Variants in SHANK2 observed in about 807,000 individuals in gnomAD.
SHANK2 encodes SH3 and multiple ankyrin repeat domains 2.
SHANK2 carries 43 observed loss-of-function variants against 133.7 expected under a neutral mutation model. The ratio of observed to expected loss-of-function variants is 0.32; its 90% CI spans 0.25 to 0.41. The LOEUF is 0.41. Ranked by LOEUF, SHANK2 falls within the 10% of genes least tolerant of loss-of-function variation. The pLI, the probability that SHANK2 is intolerant of heterozygous loss-of-function variation, is 1.00. For synonymous variants in SHANK2, 1,017 were observed against 952.8 expected (o/e 1.07, Z -1.24); for missense variants, 1,994 against 2,235.8 (o/e 0.89, Z 2.18).
chr11:70,686,800 T>G (rs1168437179), intron 15 of SHANK2, among the ~76,000 whole-genome samples: 2 of 152,210 alleles, frequency 1.3e-5, no homozygotes, highest in East Asian at 3.9e-4. Flanking sequence ...GCACCAGGCT[T>G]TGGGCAGAGG....
chr11:71,180,784 G>C (rs1953539000), intron 2 of SHANK2, among the ~76,000 whole-genome samples: 1 of 151,990 alleles, frequency 6.6e-6, no homozygotes, highest in Non-Finnish European at 1.5e-5. Context: ...AACCCAAGAA[G>C]GACGGAATTT....
chr11:70,728,344 C>T (rs1038501011), intron 14 of SHANK2, among the ~76,000 whole-genome samples: 6 of 152,208 alleles, frequency 3.9e-5, no homozygotes, highest in Non-Finnish European at 8.8e-5. Context: ...AGCCAGAGGC[C>T]GGATCCGAGG....
chr11:70,855,830 G>C (rs954131796), intron 11 of SHANK2, among the ~76,000 whole-genome samples: 2 of 152,134 alleles, frequency 1.3e-5, no homozygotes, highest in Admixed American at 1.3e-4. Context: ...TGGATGGGTG[G>C]GTGGATAAAT....
At chr11:70,905,773 C>T (rs1950093203) in intron 10 of SHANK2, among the ~76,000 whole-genome samples, 1 of 151,430 alleles carries the variant, frequency 6.6e-6, no homozygotes, top group Admixed American at 6.6e-5. Flanking sequence ...AGATCCATGC[C>T]TATTGTTTAT....
At chr11:71,203,729 T>A (rs1476725054) in intron 2 of SHANK2, among the ~76,000 whole-genome samples, 4 of 152,234 alleles carry the variant, frequency 2.6e-5, no homozygotes, top group African/African-American at 9.6e-5. Flanking sequence ...TCAGATGGCC[T>A]GTGCTAACAA....
intron 14 of SHANK2, among the ~76,000 whole-genome samples, chr11:70,699,671 A>G (rs1249190366): frequency 1.3e-5 from 2 of 152,260 alleles, no homozygotes; most frequent in African/African-American, 2.4e-5. Flanking sequence ...TTTGCAGTTC[A>G]AAAGTAAATA....
intron 17 of SHANK2, among the ~76,000 whole-genome samples, chr11:70,528,801 C>T (rs912691849): frequency 2.0e-5 from 3 of 152,060 alleles, no homozygotes; most frequent in Admixed American, 6.5e-5. Flanking sequence ...GAAGGGGGGT[C>T]CGTGGCAGCC....
intron 17 of SHANK2, among the ~76,000 whole-genome samples, chr11:70,503,804 C>T (rs970769094): frequency 5.3e-5 from 8 of 152,238 alleles, no homozygotes; most frequent in Non-Finnish European, 8.8e-5. Context: ...CTCTGCCTCC[C>T]AGCCCCACGC....
intron 11 of SHANK2, among the ~76,000 whole-genome samples, chr11:70,884,304 T>C (rs1390876953): frequency 6.6e-6 from 1 of 152,208 alleles, no homozygotes; most frequent in African/African-American, 2.4e-5. Context: ...CCCTAGGGAT[T>C]GTGAGTGACC....
At chr11:70,887,078 C>A (rs1399687458) in intron 11 of SHANK2, among the ~76,000 whole-genome samples, 4 of 152,134 alleles carry the variant, frequency 2.6e-5, no homozygotes, top group African/African-American at 7.2e-5. Flanking sequence ...AATAGGTTAT[C>A]CCAGTCCAAA....
intron 6 of SHANK2, among the ~76,000 whole-genome samples, chr11:71,108,874 G>A (rs1219173851): frequency 6.6e-6 from 1 of 152,228 alleles, no homozygotes; most frequent in African/African-American, 2.4e-5. Context: ...ATTGCAAAAA[G>A]GCAAGGACAG....
At chr11:70,624,271 C>T (rs994721941) in intron 17 of SHANK2, among the ~76,000 whole-genome samples, 2 of 152,066 alleles carry the variant, frequency 1.3e-5, no homozygotes, top group Non-Finnish European at 2.9e-5. Flanking sequence ...CCCAGGCTTG[C>T]ATCCTACCCC....
chr11:71,194,009 C>T (rs117629054), intron 2 of SHANK2, among the ~76,000 whole-genome samples: 3,486 of 152,262 alleles, frequency 0.023, 55 homozygotes, highest in Non-Finnish European at 0.038. Flanking sequence ...TGCGGGGACA[C>T]AGTTCAGCCC....
chr11:71,159,402 T>C (rs192165146), intron 2 of SHANK2, among the ~76,000 whole-genome samples: 1 of 152,300 alleles, frequency 6.6e-6, no homozygotes, highest in Non-Finnish European at 1.5e-5. Flanking sequence ...AGGGCCCACC[T>C]GGATAACCCA....
chr11:70,796,972 C>T (rs1205160610), intron 14 of SHANK2, among the ~76,000 whole-genome samples: 2 of 152,178 alleles, frequency 1.3e-5, no homozygotes, highest in African/African-American at 2.4e-5. Context: ...GAAGGCGGCA[C>T]ACCGGTTCTG....
chr11:71,253,175 G>A (rs1555126188), upstream of SHANK2, among the ~76,000 whole-genome samples: 2 of 152,154 alleles, frequency 1.3e-5, no homozygotes, highest in East Asian at 1.9e-4. Flanking sequence ...AAAAGCCAAC[G>A]GCTCGGGTGA....
chr11:71,234,502 T>C lies in SHANK2; in HGVS notation c.-112-9706A>G, dbSNP rs536769310. 2.0e-5 allele frequency among the ~76,000 whole-genome samples: 3 copies of C among 152,290 alleles called. No homozygotes were observed. The South Asian group carries it at 6.2e-4, about 32-fold the overall frequency. ...TCATTGTGAGGAGTTCTGAAACAGC[T>C]CTGGGACCCACAGGAAATGCCCCCC... On this transcript the variant is annotated intron_variant, in intron 1 of 25. Transcript: ENST00000601538.
chr11:71,128,390 C>T (rs1245495955), intron 3 of SHANK2, among the ~76,000 whole-genome samples: 2 of 152,114 alleles, frequency 1.3e-5, no homozygotes, highest in South Asian at 2.1e-4. Context: ...ACGAGATCTC[C>T]GAGACACAAA....
chr11:70,494,537 G>A (rs1371156555), intron 21 of SHANK2, among the ~76,000 whole-genome samples: 7 of 152,112 alleles, frequency 4.6e-5, no homozygotes, highest in Non-Finnish European at 7.4e-5. Flanking sequence ...CAAGTGATGT[G>A]CCCGCCTTGG....
Sources: allele counts gnomAD v4.1 joint callset (sites outside exome capture counted in the v4.1 genomes callset), GRCh38; gene constraint gnomAD v4.1.1; transcripts MANE v1.5; gene names NCBI Gene and HGNC (gene_info 2026-07-23, HGNC 2026-07-21).